The following SPC25 variants were observed in gnomAD, a reference collection of about 807,000 sequenced individuals.
SPC25 encodes SPC25 component of NDC80 kinetochore complex.
Under a neutral mutation model 29.6 loss-of-function variants are expected in SPC25, and 22 were observed. That is an observed-to-expected ratio of 0.74 (90% CI 0.53 to 1.06). The LOEUF (loss-of-function observed/expected upper bound fraction) is 1.06. Ranked by LOEUF, SPC25 falls within the 50% of genes least tolerant of loss-of-function variation. The pLI is 0.00. For synonymous variants in SPC25, 91 were observed against 90.4 expected, an observed-to-expected ratio of 1.01 and a Z score of -0.04; for missense variants, 230 against 255.8, an observed-to-expected ratio of 0.90 and a Z score of 0.69.
At chr2:168,863,596 T>C in intron 4 of SPC25, 4 of 985,248 alleles carry the variant, frequency 4.1e-6, no homozygotes, top group Non-Finnish European at 3.6e-6. Flanking sequence ...CAAATTGATG[T>C]TGTATTAAAG....
chr2:168,865,043 G>C (rs1428209165), intron 4 of SPC25: 1 of 1,509,224 alleles, frequency 6.6e-7, no homozygotes, highest in Non-Finnish European at 9.0e-7. Context: ...AGAATAAAGT[G>C]CTCTTACCTT....
At chr2:168,874,283 G>A (rs1211447935) in intron 5 of SPC25, among the ~76,000 whole-genome samples, 2 of 152,172 alleles carry the variant, frequency 1.3e-5, no homozygotes, top group African/African-American at 4.8e-5. Context: ...TGGTAGAAAT[G>A]TAAAATGGTA....
At chr2:168,889,004 C>CAT (rs1335737563) in intron 3 of SPC25, among the ~76,000 whole-genome samples, 125 of 70,158 alleles carry the variant, frequency 1.8e-3, no homozygotes, top group African/African-American at 6.2e-3. Flanking sequence ...TATATATACA[C>CAT]ATATATGTAT....
At chr2:168,864,930 A>T (rs371041874) in intron 4 of SPC25, 87 of 1,614,004 alleles carry the variant, frequency 5.4e-5, no homozygotes, top group Non-Finnish European at 6.6e-5. Context: ...TATGTGGAGG[A>T]GTTACCTTCA....
chr2:168,888,427 C>G (rs997387075), intron 3 of SPC25, among the ~76,000 whole-genome samples: 2 of 152,076 alleles, frequency 1.3e-5, no homozygotes, highest in African/African-American at 4.8e-5. Flanking sequence ...TGGTTGCAGG[C>G]GCCTGTAGTC....
rs748587905 is a variant in SPC25 at position 168,889,240 on chromosome 2, A to G, written c.185T>C (p.Leu62Pro). ...TTTTCACATACGATTTTGATATTCCAGAAACATCTCAACCATTCGTTCTTC... is the reference window on the plus strand; with the variant it reads ...TTTTCACATACGATTTTGATATTCCGGAAACATCTCAACCATTCGTTCTTC... ...KEEERMVEMFLEYQNQISRQN... is the reference protein window; with the variant it reads ...KEEERMVEMFPEYQNQISRQN... The change falls in exon 3 of 7, where the codon CTG (leucine) becomes CCG (proline). Residue 62 changes from leucine (L) to proline (P), a missense_variant. Coordinates refer to ENST00000282074, the MANE Select transcript of SPC25 (RefSeq NM_020675.4). 2.5e-6 allele frequency: 4 copies of G among 1,613,072 alleles called. No individual in the cohort carries two copies. The highest frequency in any genetic ancestry group is 3.4e-6 in the Non-Finnish European group (4 of 1,179,672).
intron 3 of SPC25, 82 bp downstream of exon 3, chr2:168,889,142 TAC>T (rs1690346591): frequency 8.4e-7 from 1 of 1,190,942 alleles, no homozygotes. Flanking sequence ...GTACACAAAA[TAC>T]ATTGTCTTAC....
chr2:168,875,196 C>A (rs573170389), intron 5 of SPC25, among the ~76,000 whole-genome samples: 8 of 152,254 alleles, frequency 5.3e-5, no homozygotes, highest in African/African-American at 1.7e-4. Context: ...TGTTCCAAGA[C>A]CCCAACAGAT....
At chr2:168,889,072 C>CGT (rs1285296358) in intron 3 of SPC25, among the ~76,000 whole-genome samples, 154 bp downstream of exon 3, 2 of 45,270 alleles carry the variant, frequency 4.4e-5, no homozygotes, top group Non-Finnish European at 9.2e-5. Context: ...TATATATACA[C>CGT]ATATATATAC....
downstream of SPC25, among the ~76,000 whole-genome samples, chr2:168,867,067 C>T (rs1253972004): frequency 6.6e-5 from 10 of 152,194 alleles, no homozygotes; most frequent in East Asian, 5.8e-4. Flanking sequence ...GTCGGTGTGG[C>T]GATTCCTCAG....
chr2:168,885,772 AATC>A (rs1690250147), intron 3 of SPC25, among the ~76,000 whole-genome samples: 1 of 152,212 alleles, frequency 6.6e-6, no homozygotes, highest in Non-Finnish European at 1.5e-5. Flanking sequence ...CGCAGGTTCA[AATC>A]ATATTTCTGT....
chr2:168,888,769 A>T (rs991788653), intron 3 of SPC25, among the ~76,000 whole-genome samples: 1 of 149,028 alleles, frequency 6.7e-6, no homozygotes, highest in Non-Finnish European at 1.5e-5. Flanking sequence ...ATATGTATAT[A>T]TATATATTTT....
rs1027227633 is a variant in SPC25 at position 168,886,559 on chromosome 2, G to A, written c.199+2667C>T. ...TTTTGAGATGGAGTCTTGCTCTGTC[G>A]CCCAGGCTGCAGTGCAGTGGCGCGA... On this transcript the variant is annotated intron_variant, in intron 3 of 6. Transcript: ENST00000282074. 5.8e-4 allele frequency among the ~76,000 whole-genome samples: 87 copies of A among 149,152 alleles called. 1 individual carries two copies. The highest frequency in any genetic ancestry group is 2.1e-3 in the African/African-American group (84 of 40,254).
At chr2:168,864,085 A>AGTC (rs1380993355) in intron 4 of SPC25, among the ~76,000 whole-genome samples, 2 of 152,090 alleles carry the variant, frequency 1.3e-5, no homozygotes, top group Non-Finnish European at 2.9e-5. Context: ...CTCCTGCCTC[A>AGTC]GTCTCCCAAA....
intron 4 of SPC25, among the ~76,000 whole-genome samples, chr2:168,863,081 T>C (rs539309365): frequency 1.3e-5 from 2 of 152,316 alleles, no homozygotes; most frequent in Admixed American, 1.3e-4. Flanking sequence ...AGCATTTAAG[T>C]TACATCATTC....
At chr2:168,868,247 A>G (rs1330635897), downstream of SPC25, among the ~76,000 whole-genome samples, 1 of 152,236 alleles carries the variant, frequency 6.6e-6, no homozygotes, top group Non-Finnish European at 1.5e-5. Context: ...CCACAAGAGA[A>G]AGCAGGAAAG....
At chr2:168,864,866 G>T in intron 4 of SPC25, 1 of 1,613,798 alleles carries the variant, frequency 6.2e-7, no homozygotes, top group South Asian at 1.1e-5. Flanking sequence ...GAAAAAAGAA[G>T]GAGGATGGTG....
intron 4 of SPC25, chr2:168,863,737 A>C (rs1689643301): frequency 1.2e-6 from 1 of 837,916 alleles, no homozygotes; most frequent in Admixed American, 6.2e-5. Flanking sequence ...GATCTTAAGA[A>C]AAGACTGTTG....
intron 5 of SPC25, among the ~76,000 whole-genome samples, chr2:168,875,664 C>A (rs896902993): frequency 6.6e-6 from 1 of 151,944 alleles, no homozygotes; most frequent in African/African-American, 2.4e-5. Context: ...AAAAAAATGG[C>A]AGAATCCAAA....
Sources: gnomAD v4.1 joint callset for allele counts (sites outside exome capture counted in the v4.1 genomes callset) on GRCh38, gnomAD v4.1.1 for gene constraint, MANE v1.5 for transcripts, NCBI Gene and HGNC (gene_info 2026-07-23, HGNC 2026-07-21) for gene names.